The following ADAM12 variants were observed in gnomAD, a reference collection of about 807,000 sequenced individuals.
ADAM12 encodes the protein disintegrin and metalloproteinase domain-containing protein 12.
ADAM12 carries 70 observed loss-of-function variants against 106.4 expected under a neutral mutation model. The ratio of observed to expected loss-of-function variants is 0.66; its 90% CI spans 0.54 to 0.80. The LOEUF (loss-of-function observed/expected upper bound fraction) is 0.80, where lower values mean the gene tolerates loss of function less well. Ranked by LOEUF, ADAM12 falls within the 30% of genes least tolerant of loss-of-function variation. ADAM12 has a pLI of 0.00. For synonymous variants in ADAM12, 420 were observed against 433.5 expected (o/e 0.97, Z 0.39); for missense variants, 1,010 against 1,171.9 (o/e 0.86, Z 2.02).
chr10:126,134,143 C>T (rs998749315), intron 5 of ADAM12, among the ~76,000 whole-genome samples: 1 of 152,226 alleles, frequency 6.6e-6, no homozygotes, highest in Admixed American at 6.5e-5. Context: ...AACCACAAGG[C>T]ACCTCCTTCA....
In ADAM12 at chr10:126,037,085, G is replaced by T. The variant is rs1954073832; in HGVS notation, c.2350-760C>A. On this transcript the variant is annotated intron_variant, in intron 20 of 22. Transcript: ENST00000448723. ...TGTCACTATCAGTTTGCATTTGTCA[G>T]AATTGTATATAAGTGGGATCACAGA... is the stretch of plus-strand genomic sequence containing the variant. Among the ~76,000 whole-genome samples, 4 of 152,110 alleles carry T rather than the reference G, an allele frequency of 2.6e-5. No homozygotes were observed. In the South Asian group the frequency reaches 8.3e-4, roughly 31 times the overall value.
At chr10:126,144,485 C>T (rs12415805) in intron 4 of ADAM12, among the ~76,000 whole-genome samples, 49,176 of 151,918 alleles carry the variant, frequency 0.32, 8,289 homozygotes, top group Non-Finnish European at 0.38. Flanking sequence ...TTTTGTTGAA[C>T]GAATGAATGA....
At chr10:126,228,873 T>G (rs1278880075) in intron 3 of ADAM12, among the ~76,000 whole-genome samples, 1 of 152,154 alleles carries the variant, frequency 6.6e-6, no homozygotes, top group Admixed American at 6.5e-5. Context: ...ATAAACCAAA[T>G]GTAAATCCAG....
At chr10:126,104,746 A>G (rs2133588182) in intron 8 of ADAM12, among the ~76,000 whole-genome samples, 1 of 152,230 alleles carries the variant, frequency 6.6e-6, no homozygotes, top group South Asian at 2.1e-4. Flanking sequence ...TTTCCTGAAC[A>G]TTCCAGAATG....
rs1044871517 is a variant in ADAM12 at position 126,055,231 on chromosome 10, C to T, written c.1610-5562G>A. 2.0e-5 allele frequency among the ~76,000 whole-genome samples: 3 copies of T among 152,200 alleles called. 1 individual carries two copies. Among genetic ancestry groups the T allele is most frequent in the Admixed American group, 1.3e-4 (2 of 15,292 alleles). The stretch of plus-strand genomic sequence containing the variant: ...AATCCCAGCTGGTTCTGGGAACCCT[C>T]CTGGCCTGGGCTTCCAGACTCCCCC... On this transcript the variant is annotated intron_variant, in intron 14 of 22. Transcript: ENST00000448723.
intron 3 of ADAM12, among the ~76,000 whole-genome samples, chr10:126,269,485 T>C (rs1959164778): frequency 6.6e-6 from 1 of 152,074 alleles, no homozygotes; most frequent in Admixed American, 6.6e-5. Context: ...ACACAACAAC[T>C]AGAAAAAATC....
chr10:126,327,264 A>C (rs999694753), intron 2 of ADAM12, among the ~76,000 whole-genome samples: 2 of 152,202 alleles, frequency 1.3e-5, no homozygotes, highest in Non-Finnish European at 2.9e-5. Context: ...GTTTTCAAGG[A>C]AAATCATGAT....
intron 1 of ADAM12, among the ~76,000 whole-genome samples, chr10:126,333,882 T>C (rs1590793647): frequency 6.6e-6 from 1 of 152,204 alleles, no homozygotes; most frequent in South Asian, 2.1e-4. Context: ...GTGGCAGCCC[T>C]TGTAGAATGT....
intron 11 of ADAM12, among the ~76,000 whole-genome samples, chr10:126,080,943 G>C (rs1955200113): frequency 6.6e-6 from 1 of 152,124 alleles, no homozygotes; most frequent in Admixed American, 6.6e-5. Context: ...TATATTCTTG[G>C]GGGTGAATCA....
intron 1 of ADAM12, among the ~76,000 whole-genome samples, chr10:126,368,515 C>T (rs1270203206): frequency 6.6e-6 from 1 of 151,912 alleles, no homozygotes; most frequent in East Asian, 1.9e-4. Context: ...AATTTTTGTA[C>T]ATAAAAATGA....
In ADAM12 at chr10:126,352,505, CATGAAAGTA is replaced by C. The variant is rs568796568; in HGVS notation, c.89-22005_89-21997del. Among the ~76,000 whole-genome samples the C allele has an allele frequency of 9.7e-4, 147 of 152,252 alleles. No homozygotes were observed. The Middle Eastern group carries it at 0.01, about 11-fold the overall frequency. ...AGGTGATATACATTTATTAAAAAGTCATGAAAGTAAGTTCTCAAATGACACCAAGTTAGG... is the reference window on the plus strand; with the variant it reads ...AGGTGATATACATTTATTAAAAAGTCAGTTCTCAAATGACACCAAGTTAGG... On this transcript the variant is annotated intron_variant, in intron 1 of 22. Transcript: ENST00000448723.
intron 5 of ADAM12, among the ~76,000 whole-genome samples, chr10:126,128,607 T>TGCAAGTG (rs1489206533): frequency 6.7e-6 from 1 of 148,192 alleles, no homozygotes; most frequent in African/African-American, 2.5e-5. Flanking sequence ...TGGGAATGTG[T>TGCAAGTG]GCAAGTGGGG....
intron 3 of ADAM12, among the ~76,000 whole-genome samples, chr10:126,226,529 G>C (rs913077362): frequency 3.3e-5 from 5 of 152,196 alleles, no homozygotes; most frequent in African/African-American, 1.2e-4. Context: ...CGACTCTGAC[G>C]GGCCTGAGCC....
At chr10:126,211,263 T>C (rs1375022984) in intron 3 of ADAM12, among the ~76,000 whole-genome samples, 1 of 152,138 alleles carries the variant, frequency 6.6e-6, no homozygotes, top group Non-Finnish European at 1.5e-5. Context: ...GCATCAAAAC[T>C]TGCCTGAAGT....
intron 11 of ADAM12, among the ~76,000 whole-genome samples, chr10:126,085,267 T>C (rs1377782029): frequency 6.6e-6 from 1 of 152,202 alleles, no homozygotes; most frequent in Non-Finnish European, 1.5e-5. Context: ...GTGTGTATCA[T>C]TGCAAACTAT....
intron 8 of ADAM12, among the ~76,000 whole-genome samples, chr10:126,106,776 GC>G (rs1554969644): frequency 6.6e-6 from 1 of 152,034 alleles, no homozygotes; most frequent in Non-Finnish European, 1.5e-5. Context: ...AAGCCACCGC[GC>G]CCGCTCAGGC....
In ADAM12 at chr10:126,200,078, C is replaced by T. The variant is rs547182559; in HGVS notation, c.261-44773G>A. ...CACCTACGAGATGCTCTTTAATATT[C>T]ACTGTTCTATTAATTAGAATATTCT... On this transcript the variant is annotated intron_variant, in intron 3 of 22. Transcript: ENST00000448723. 3.9e-5 allele frequency among the ~76,000 whole-genome samples: 6 copies of T among 152,244 alleles called. No individual in the cohort carries two copies. In the East Asian group the frequency reaches 9.7e-4, roughly 25 times the overall value.
At chr10:126,038,415 A>G in intron 19 of ADAM12, 66 bp from the exon 20 acceptor site, 3 of 1,321,454 alleles carry the variant, frequency 2.3e-6, no homozygotes, top group Non-Finnish European at 3.1e-6. Context: ...GACTTTTTAC[A>G]CTTTGCTCAT....
chr10:126,285,168 C>T (rs1322875452), intron 2 of ADAM12, among the ~76,000 whole-genome samples: 1 of 152,184 alleles, frequency 6.6e-6, no homozygotes, highest in Non-Finnish European at 1.5e-5. Context: ...GAAAGGACCA[C>T]TTCCTATGGG....
Sources: gnomAD v4.1 joint callset for allele counts (sites outside exome capture counted in the v4.1 genomes callset) on GRCh38, gnomAD v4.1.1 for gene constraint, MANE v1.5 for transcripts, NCBI Gene and HGNC (gene_info 2026-07-23, HGNC 2026-07-21) for gene names.